CCDC149: variants seen among roughly 807,000 people sequenced by gnomAD.
CCDC149 encodes the protein coiled-coil domain containing 149, also known as coiled-coil domain-containing protein 149.
In CCDC149, 45 loss-of-function variants were observed where a neutral mutation model predicts 59.9. The observed-to-expected ratio is 0.75, with a 90% CI of 0.59 to 0.96. The LOEUF (loss-of-function observed/expected upper bound fraction) is 0.96, where lower values mean the gene tolerates loss of function less well. Among genes scored for constraint, CCDC149 ranks in the 40% least tolerant of loss-of-function variants. CCDC149 has a pLI of 0.00. For missense variants in CCDC149, 584 were observed against 664.7 expected (o/e 0.88, Z 1.33); for synonymous variants, 245 against 260.6 (o/e 0.94, Z 0.58).
intron 12 of CCDC149, among the ~76,000 whole-genome samples, chr4:24,816,606 TA>T (rs1240405457): frequency 6.6e-6 from 1 of 152,132 alleles, no homozygotes; most frequent in Non-Finnish European, 1.5e-5. Flanking sequence ...GCTATTTCTA[TA>T]AAAGATTTCT....
chr4:24,873,552 C>T (rs1719192220), intron 3 of CCDC149, 129 bp downstream of exon 3: 1 of 720,822 alleles, frequency 1.4e-6, no homozygotes, highest in Non-Finnish European at 2.4e-6. Context: ...GGAATCTCTA[C>T]CTACTCCTCC....
At chr4:24,818,983 A>T (rs747956440) in intron 12 of CCDC149, among the ~76,000 whole-genome samples, 1 of 152,170 alleles carries the variant, frequency 6.6e-6, no homozygotes, top group Non-Finnish European at 1.5e-5. Context: ...ACTTCAAAAG[A>T]CATGAAGTTT....
chr4:24,927,733 T>C (rs1016965730), intron 1 of CCDC149, among the ~76,000 whole-genome samples: 9 of 152,074 alleles, frequency 5.9e-5, no homozygotes, highest in African/African-American at 2.2e-4. Context: ...CTCCTCCATC[T>C]CCAACATACA....
chr4:24,972,890 C>G (rs1378006278), intron 1 of CCDC149, among the ~76,000 whole-genome samples: 1 of 152,226 alleles, frequency 6.6e-6, no homozygotes, highest in Non-Finnish European at 1.5e-5. Context: ...CAGACCCTCC[C>G]AATCCTGAAG....
chr4:24,872,039 A>C (rs1441707689), intron 3 of CCDC149, among the ~76,000 whole-genome samples: 1 of 152,250 alleles, frequency 6.6e-6, no homozygotes, highest in African/African-American at 2.4e-5. Flanking sequence ...ACATATAAGA[A>C]ACCTCTGAAA....
chr4:24,908,813 T>G (rs35897466), intron 1 of CCDC149, among the ~76,000 whole-genome samples: 11,793 of 152,348 alleles, frequency 0.077, 489 homozygotes, highest in African/African-American at 0.11. Context: ...AATAGGAGAT[T>G]GATTGCTATC....
At chr4:24,968,467 C>A (rs189487225) in intron 1 of CCDC149, among the ~76,000 whole-genome samples, 4 of 151,720 alleles carry the variant, frequency 2.6e-5, no homozygotes, top group Non-Finnish European at 5.9e-5. Context: ...CAGCAGAGTA[C>A]GCTGAGTACA....
At chr4:24,849,247 T>C (rs1043962147) in intron 4 of CCDC149, among the ~76,000 whole-genome samples, 4 of 152,170 alleles carry the variant, frequency 2.6e-5, no homozygotes, top group Admixed American at 2.0e-4. Flanking sequence ...CTGAGAGCCC[T>C]GGGCAACGTG....
chr4:24,840,623 G>A (rs1355131937), intron 4 of CCDC149, among the ~76,000 whole-genome samples: 1 of 152,052 alleles, frequency 6.6e-6, no homozygotes, highest in Non-Finnish European at 1.5e-5. Context: ...ACATTTTTGT[G>A]CTTTTCACTG....
intron 1 of CCDC149, among the ~76,000 whole-genome samples, chr4:24,949,893 G>A (rs770048094): frequency 1.3e-5 from 2 of 152,224 alleles, no homozygotes; most frequent in Non-Finnish European, 2.9e-5. Context: ...CTGTGACTAA[G>A]GTGGGTGGTT....
intron 1 of CCDC149, among the ~76,000 whole-genome samples, chr4:24,938,511 G>A (rs1722847776): frequency 6.6e-6 from 1 of 152,206 alleles, no homozygotes; most frequent in Admixed American, 6.5e-5. Flanking sequence ...TTCCAACTGA[G>A]GTACCGGGTT....
At chr4:24,889,061 G>A (rs1438853064) in intron 1 of CCDC149, among the ~76,000 whole-genome samples, 1 of 152,160 alleles carries the variant, frequency 6.6e-6, no homozygotes, top group African/African-American at 2.4e-5. Flanking sequence ...AATGGGAAGA[G>A]TTTATAATGT....
chr4:24,967,031 T>G (rs184064152), intron 1 of CCDC149, among the ~76,000 whole-genome samples: 4 of 152,286 alleles, frequency 2.6e-5, no homozygotes, highest in Non-Finnish European at 5.9e-5. Flanking sequence ...TGGAGGACGG[T>G]CAGTGAAAGT....
At chr4:24,896,873 A>G (rs191676597) in intron 1 of CCDC149, among the ~76,000 whole-genome samples, 113 of 152,328 alleles carry the variant, frequency 7.4e-4, no homozygotes, top group Middle Eastern at 6.8e-3. Context: ...AAAAAAAATC[A>G]ACGTCCTCGT....
rs185772928 is a variant in CCDC149 at position 24,969,550 on chromosome 4, T to G, written c.-65+10519A>C. ...TGAACTCTTGAATAATGGGTTACCC[T>G]CATATGTCACACCCCTGTCTTTGCA... On this transcript the variant is annotated intron_variant, in intron 1 of 12. Coordinates refer to the CCDC149 transcript ENST00000389609. 1.8e-3 allele frequency among the ~76,000 whole-genome samples: 281 copies of G among 152,276 alleles called. 1 individual carries two copies. The highest frequency in any genetic ancestry group is 3.3e-3 in the Non-Finnish European group (227 of 68,024).
intron 3 of CCDC149, among the ~76,000 whole-genome samples, chr4:24,855,239 C>T (rs1033852209): frequency 4.6e-5 from 7 of 152,086 alleles, no homozygotes; most frequent in African/African-American, 1.4e-4. Context: ...AAGACTGAAA[C>T]CAATGCCTGG....
chr4:24,924,811 C>T (rs1722391584), intron 1 of CCDC149, among the ~76,000 whole-genome samples: 1 of 152,164 alleles, frequency 6.6e-6, no homozygotes, highest in Non-Finnish European at 1.5e-5. Flanking sequence ...TGTCCAGATG[C>T]CACCTCTTGA....
intron 4 of CCDC149, among the ~76,000 whole-genome samples, 182 bp downstream of exon 4, chr4:24,852,890 C>T (rs1377092112): frequency 6.6e-6 from 1 of 152,018 alleles, no homozygotes; most frequent in East Asian, 1.9e-4. Flanking sequence ...TACATGCATG[C>T]ACACACACAA....
At chr4:24,888,758 T>C (rs897390874) in intron 1 of CCDC149, among the ~76,000 whole-genome samples, 1 of 152,136 alleles carries the variant, frequency 6.6e-6, no homozygotes, top group African/African-American at 2.4e-5. Context: ...GTGTGAGCCT[T>C]TCCTGCCCAC....
Sources: gnomAD v4.1 joint callset for allele counts (sites outside exome capture counted in the v4.1 genomes callset) on GRCh38, gnomAD v4.1.1 for gene constraint, MANE v1.5 for transcripts, NCBI Gene and HGNC (gene_info 2026-07-23, HGNC 2026-07-21) for gene names.